Variants in LBHD1 observed in about 807,000 individuals in gnomAD.
The protein encoded by LBHD1 is LBH domain containing 1.
LBHD1 carries 28 observed loss-of-function variants against 31.1 expected under a neutral mutation model. The ratio of observed to expected loss-of-function variants is 0.90; its 90% confidence interval spans 0.67 to 1.24. The LOEUF (loss-of-function observed/expected upper bound fraction) is 1.24. Among genes scored for constraint, LBHD1 ranks in the 50% most tolerant of loss-of-function variants. The pLI is 0.00. For missense variants in LBHD1, 350 were observed against 323.0 expected, an observed-to-expected ratio of 1.08 and a Z score of -0.64; for synonymous variants, 105 against 116.5, an observed-to-expected ratio of 0.90 and a Z score of 0.63.
chr11:62,665,844 A>T, intron 4 of LBHD1: 1 of 1,608,250 alleles, frequency 6.2e-7, no homozygotes, highest in East Asian at 2.2e-5. Flanking sequence ...GACGCTTCAC[A>T]TAAGCTTCTC....
At chr11:62,666,365 A>G in intron 4 of LBHD1, 1 of 1,601,930 alleles carries the variant, frequency 6.2e-7, no homozygotes, top group Non-Finnish European at 8.5e-7. Context: ...GGCGACATAG[A>G]CCAAGTGACA....
rs1944946330 is a variant in LBHD1, at chr11:62,671,670, G to C, written c.-117C>G. 1 of 1,590,654 alleles carries C rather than the reference G, an allele frequency of 6.3e-7. No homozygotes were observed. Among genetic ancestry groups the C allele is most frequent in the Admixed American group, 1.7e-5 (1 of 58,582 alleles). Reference sequence around the variant, plus strand: ...TAGGGCGCTCTAGCCTGCGCCAAGGGGTAGTGAGACCGCGCGGCAACAGCT... The same window carrying C: ...TAGGGCGCTCTAGCCTGCGCCAAGGCGTAGTGAGACCGCGCGGCAACAGCT... On this transcript the variant is annotated 5_prime_UTR_variant, in exon 1 of 7. Transcript: ENST00000354588.
intron 4 of LBHD1, chr11:62,666,694 T>A: frequency 6.2e-7 from 1 of 1,613,914 alleles, no homozygotes; most frequent in Non-Finnish European, 8.5e-7. Context: ...TCCTGGAGGG[T>A]GGCCCAGGCC....
rs773133062 is a variant in LBHD1 at position 62,663,001 on chromosome 11, A to G, written c.*128T>C. On this transcript the variant is annotated 3_prime_UTR_variant, in exon 7 of 7. Coordinates refer to ENST00000354588, the MANE Select transcript of LBHD1 (RefSeq NM_024099.5). ...TTTGTCAAAGTCCTCTGAAACAACC[A>G]CTGAGTCTGAAGGCTGGCTCCAGTT... The G allele has an allele frequency of 7.1e-7, 1 of 1,411,422 alleles. No individual in the cohort carries two copies. The highest frequency in any genetic ancestry group is 9.8e-7 in the Non-Finnish European group (1 of 1,016,506). 87.4% of individuals were successfully genotyped at this position (1,411,422 alleles called of 1,614,324 possible).
At position 62,671,699 on chromosome 11, in the gene LBHD1, G is replaced by A. The variant is rs1645329862; in HGVS notation, c.-146C>T. 1 of 1,604,796 alleles carries A rather than the reference G, an allele frequency of 6.2e-7. No homozygotes were observed. Among genetic ancestry groups the A allele is most frequent in the South Asian group, 1.1e-5 (1 of 90,648 alleles). ...GTGAGACCGCGCGGCAACAGCTTGC[G>A]GCTGCGGGGAGCTCCCGTGGGCGCT... On this transcript the variant is annotated 5_prime_UTR_variant, in exon 1 of 7. Transcript: ENST00000354588.
At chr11:62,667,896 A>AATAAAGTGAG in intron 3 of LBHD1, 149 bp from the exon 4 acceptor site, 1 of 615,106 alleles carries the variant, frequency 1.6e-6, no homozygotes, top group Non-Finnish European at 2.9e-6. Flanking sequence ...ATAAAGTGAC[A>AATAAAGTGAG]CCCCTAACTC....
intron 4 of LBHD1, chr11:62,665,268 G>A (rs1944764454): frequency 4.0e-6 from 3 of 741,372 alleles, no homozygotes; most frequent in Non-Finnish European, 7.0e-6. Context: ...CAACTCGGGG[G>A]CGGGTCCTCG....
At chr11:62,669,297 T>G in intron 3 of LBHD1, 1 of 670,754 alleles carries the variant, frequency 1.5e-6, no homozygotes, top group Non-Finnish European at 1.8e-6. Context: ...CTTGGGAGGC[T>G]GAGGCAGGAG....
intron 5 of LBHD1, among the ~76,000 whole-genome samples, chr11:62,664,326 C>CTTTT (rs35917869): frequency 1.0e-4 from 8 of 77,440 alleles, no homozygotes; most frequent in Non-Finnish European, 1.4e-4. Context: ...TCCTGATATT[C>CTTTT]TTTTTTTTTT....
intron 4 of LBHD1, chr11:62,666,701 G>A (rs11231181): frequency 0.27 from 437,038 of 1,613,906 alleles, 63,049 homozygotes; most frequent in Non-Finnish European, 0.3. Context: ...GGGTGGCCCA[G>A]GCCAAACACC....
chr11:62,664,718 C>A (rs1264648188), intron 5 of LBHD1, 131 bp downstream of exon 5: 2 of 1,224,714 alleles, frequency 1.6e-6, no homozygotes, highest in African/African-American at 1.5e-5. Context: ...TAGGAACTAA[C>A]AGCCGACAGA....
intron 5 of LBHD1, among the ~76,000 whole-genome samples, chr11:62,664,584 GC>G (rs1365670847): frequency 6.6e-6 from 1 of 152,078 alleles, no homozygotes; most frequent in Non-Finnish European, 1.5e-5. Flanking sequence ...GCCCACCTCA[GC>G]CCCCCAAAGT....
rs1383685033 is a variant in LBHD1 at position 62,672,078 on chromosome 11, T to TGGCGGCGAA, written c.-534_-526dup. The TGGCGGCGAA allele has an allele frequency of 1.1e-5, 18 of 1,603,624 alleles. No individual in the cohort carries two copies. Among genetic ancestry groups the TGGCGGCGAA allele is most frequent in the African/African-American group, 2.7e-5 (2 of 74,776 alleles). On this transcript the variant is annotated 5_prime_UTR_variant, in exon 1 of 7. Coordinates refer to ENST00000354588, the MANE Select transcript of LBHD1 (RefSeq NM_024099.5). ...TGGCCTGGAGGAAGAACTGGATGGT[T>TGGCGGCGAA]GGCGGCGAAGGCGGCGCCGGCGGGA... is the stretch of plus-strand genomic sequence containing the variant.
chr11:62,671,397 C>G (rs1044977318), intron 1 of LBHD1, 167 bp downstream of exon 1: 77 of 1,260,770 alleles, frequency 6.1e-5, no homozygotes, highest in Non-Finnish European at 7.4e-5. Flanking sequence ...CTCTACTGAT[C>G]GGGAAACGTC....
Position 62,672,240 on chromosome 11 carries a change from T to A in LBHD1, c.-687A>T. ...ACCATGCCAGGACTCTCCGGGGTCC[T>A]GTGAGCTGCCGTCGGGTGAGCACGT... On this transcript the variant is annotated 5_prime_UTR_variant, in exon 1 of 7. Transcript: ENST00000354588. The A allele has an allele frequency of 1.0e-6, 1 of 1,002,274 alleles. No homozygotes were observed. The highest frequency in any genetic ancestry group is 1.4e-6 in the Non-Finnish European group (1 of 692,620). The allele number at this position is 1,002,274 out of a possible 1,614,324, so 62.1% of individuals were successfully genotyped here. A position where few individuals can be genotyped will look rare whatever the true frequency, so the allele number is the denominator to read the frequency against.
intron 5 of LBHD1, among the ~76,000 whole-genome samples, chr11:62,664,082 G>GAAAAAAA (rs71056540): frequency 1.5e-5 from 1 of 65,946 alleles, no homozygotes. Context: ...CAAAAAAGAG[G>GAAAAAAA]AAAAAAAAAA....
chr11:62,664,984 G>GA lies in LBHD1; in HGVS notation c.539-12dup. The GA allele has an allele frequency of 6.2e-7, 1 of 1,609,316 alleles. No individual in the cohort carries two copies. The highest frequency in any genetic ancestry group is 1.1e-5 in the South Asian group (1 of 90,952). On this transcript the variant is annotated splice_polypyrimidine_tract_variant and intron_variant, in intron 4 of 6. Coordinates refer to ENST00000354588, the MANE Select transcript of LBHD1 (RefSeq NM_024099.5). Reference sequence around the variant, plus strand: ...CTTCTTCTTCAGCTCCTGCCGGGGAGAAAGATGCGAATCAGATGGAGTGGG... The same window carrying GA: ...CTTCTTCTTCAGCTCCTGCCGGGGAGAAAAGATGCGAATCAGATGGAGTGGG...
chr11:62,671,468 C>A (rs1172924464), intron 1 of LBHD1, 96 bp downstream of exon 1: 16 of 1,336,112 alleles, frequency 1.2e-5, no homozygotes, highest in Non-Finnish European at 1.5e-5. Flanking sequence ...CGCACTCTCC[C>A]CCTAGCAATC....
Position 62,671,916 on chromosome 11 carries a change from G to C in LBHD1, c.-363C>G. ...AAGGGTGGGCGGGTGGAGAGCCCCG[G>C]ACTGGAGCTCCTGCGAACTCCCCTT... On this transcript the variant is annotated 5_prime_UTR_variant, in exon 1 of 7. Coordinates refer to ENST00000354588, the MANE Select transcript of LBHD1 (RefSeq NM_024099.5). The C allele has an allele frequency of 6.2e-7, 1 of 1,613,254 alleles. No homozygotes were observed. Among genetic ancestry groups the C allele is most frequent in the Non-Finnish European group, 8.5e-7 (1 of 1,179,422 alleles).
Sources: gnomAD v4.1 joint callset for allele counts (sites outside exome capture counted in the v4.1 genomes callset) on GRCh38, gnomAD v4.1.1 for gene constraint, MANE v1.5 for transcripts, NCBI Gene and HGNC (gene_info 2026-07-23, HGNC 2026-07-21) for gene names.